The following AFG2A variants were observed in gnomAD, a reference collection of about 807,000 sequenced individuals.
The protein encoded by AFG2A is AAA ATPase AFG2A.
the AFG2A span, among the ~76,000 whole-genome samples, chr4:123,024,242 GAAAC>G: frequency 6.3e-4 from 71 of 112,334 alleles, no homozygotes; most frequent in Non-Finnish European, 1.6e-4. Context: ...AAAAAAAAAA[GAAAC>G]AAAAGAAAAA....
the AFG2A span, among the ~76,000 whole-genome samples, chr4:123,141,827 A>G: frequency 6.6e-6 from 1 of 152,120 alleles, no homozygotes; most frequent in Admixed American, 6.5e-5. Context: ...TATCAGATAG[A>G]TGATTTGCAA....
At chr4:123,123,552 G>A in the AFG2A span, among the ~76,000 whole-genome samples, 3 of 152,028 alleles carry the variant, frequency 2.0e-5, no homozygotes, top group South Asian at 6.2e-4. Flanking sequence ...AAAATATCTG[G>A]TATACTCTGC....
chr4:123,300,834 T>G, the AFG2A span, among the ~76,000 whole-genome samples: 6 of 152,214 alleles, frequency 3.9e-5, no homozygotes, highest in East Asian at 7.7e-4. Context: ...AACAAGCATT[T>G]AGTTATACTT....
At chr4:123,111,707 A>ACTTCTT in the AFG2A span, among the ~76,000 whole-genome samples, 1 of 150,462 alleles carries the variant, frequency 6.6e-6, no homozygotes, top group African/African-American at 2.5e-5. Flanking sequence ...TTTGTATTAT[A>ACTTCTT]CTTCTTCTTC....
the AFG2A span, among the ~76,000 whole-genome samples, chr4:123,303,532 G>C: frequency 6.6e-6 from 1 of 152,010 alleles, no homozygotes; most frequent in Non-Finnish European, 1.5e-5. Context: ...TGGGAGGCCA[G>C]CTGGGGAGGA....
the AFG2A span, among the ~76,000 whole-genome samples, chr4:122,991,408 C>G: frequency 2.0e-5 from 3 of 152,166 alleles, no homozygotes; most frequent in African/African-American, 7.2e-5. Context: ...AATGAGCCCC[C>G]TTAGCTGAGA....
the AFG2A span, among the ~76,000 whole-genome samples, chr4:123,262,174 A>G: frequency 6.6e-6 from 1 of 152,166 alleles, no homozygotes; most frequent in African/African-American, 2.4e-5. Context: ...CTGGCAAAAC[A>G]GCTGTCTCAC....
At chr4:123,243,989 T>A in the AFG2A span, among the ~76,000 whole-genome samples, 4 of 151,930 alleles carry the variant, frequency 2.6e-5, no homozygotes, top group African/African-American at 9.7e-5. Context: ...GCTACTGCAG[T>A]CCAGCATGGG....
the AFG2A span, chr4:122,933,619 C>T: frequency 3.7e-4 from 259 of 706,506 alleles, no homozygotes; most frequent in African/African-American, 4.0e-3. Context: ...GAGAATATTC[C>T]CCTCAATGAA....
chr4:123,251,506 G>A, the AFG2A span, among the ~76,000 whole-genome samples: 2 of 152,076 alleles, frequency 1.3e-5, no homozygotes, highest in African/African-American at 2.4e-5. Context: ...GTTATTGTAC[G>A]ACCTTGGGCC....
the AFG2A span, among the ~76,000 whole-genome samples, chr4:123,148,842 C>G: frequency 2.0e-5 from 3 of 150,024 alleles, no homozygotes; most frequent in Non-Finnish European, 2.9e-5. Flanking sequence ...GATCTTGGCT[C>G]ACTGCAACCT....
the AFG2A span, among the ~76,000 whole-genome samples, chr4:122,956,700 G>A: frequency 6.6e-6 from 1 of 152,096 alleles, no homozygotes; most frequent in Non-Finnish European, 1.5e-5. Context: ...GCGTGATCTC[G>A]GCTCACTGCA....
the AFG2A span, among the ~76,000 whole-genome samples, chr4:123,045,436 T>C: frequency 6.6e-6 from 1 of 152,226 alleles, no homozygotes; most frequent in Admixed American, 6.5e-5. Context: ...AATAAGTTAG[T>C]CCAGAATCAT....
chr4:123,073,364 T>C, the AFG2A span, among the ~76,000 whole-genome samples: 1 of 152,114 alleles, frequency 6.6e-6, no homozygotes, highest in Non-Finnish European at 1.5e-5. Context: ...TAAAATAATT[T>C]TATTCTTCAT....
At chr4:123,255,467 C>T in the AFG2A span, among the ~76,000 whole-genome samples, 1 of 151,096 alleles carries the variant, frequency 6.6e-6, no homozygotes, top group South Asian at 2.1e-4. Flanking sequence ...TGCACTCCAG[C>T]CTGGGTGGCA....
chr4:123,181,672 C>T, the AFG2A span, among the ~76,000 whole-genome samples: 32 of 152,088 alleles, frequency 2.1e-4, no homozygotes, highest in African/African-American at 7.5e-4. Context: ...AGCTAAAGTG[C>T]TCTATGAAAA....
At chr4:123,308,265 A>G in the AFG2A span, among the ~76,000 whole-genome samples, 3 of 152,262 alleles carry the variant, frequency 2.0e-5, no homozygotes, top group Non-Finnish European at 4.4e-5. Context: ...ACATAGCTTG[A>G]GATGAACATA....
the AFG2A span, among the ~76,000 whole-genome samples, chr4:123,086,880 G>A: frequency 6.6e-6 from 1 of 151,994 alleles, no homozygotes; most frequent in Non-Finnish European, 1.5e-5. Context: ...TTGATCTCTA[G>A]CATTTCTTTT....
the AFG2A span, among the ~76,000 whole-genome samples, chr4:123,067,809 G>C: frequency 1.3e-5 from 2 of 152,070 alleles, no homozygotes; most frequent in Non-Finnish European, 2.9e-5. Context: ...TTCTGAAACA[G>C]TTCAGTTAGT....
Sources: gnomAD v4.1 joint callset for allele counts (sites outside exome capture counted in the v4.1 genomes callset) on GRCh38, gnomAD v4.1.1 for gene constraint, MANE v1.5 for transcripts, NCBI Gene and HGNC (gene_info 2026-07-23, HGNC 2026-07-21) for gene names.